Variants in CPEB3 observed in about 807,000 individuals in gnomAD.
CPEB3 encodes the protein cytoplasmic polyadenylation element binding protein 3, also known as cytoplasmic polyadenylation element-binding protein 3.
CPEB3 carries 20 observed loss-of-function variants against 67.2 expected under a neutral mutation model. The ratio of observed to expected loss-of-function variants is 0.30; its 90% CI spans 0.21 to 0.43. The LOEUF is 0.43. CPEB3 is among the 20% of genes least tolerant of loss of function. The pLI, the probability that CPEB3 is intolerant of heterozygous loss-of-function variation, is 1.00. For missense variants in CPEB3, 746 were observed against 968.6 expected (o/e 0.77, Z 3.05); for synonymous variants, 376 against 393.1 (o/e 0.96, Z 0.51).
rs1384449786 is a variant in CPEB3 at position 92,240,151 on chromosome 10, C to T, written c.200G>A (p.Gly67Asp). 13 of 1,556,978 alleles carry T rather than the reference C, an allele frequency of 8.3e-6. No homozygotes were observed. The highest frequency in any genetic ancestry group is 1.1e-5 in the Non-Finnish European group (13 of 1,150,032). ...SPAAAPPAPN[G>D]PDKMQMESPL... is the part of the protein sequence containing the mutation. ...TGATTCCATCTGCATCTTGTCCGGGCCGTTGGGGGCCGGGGGGGCAGCGGC... is the reference window on the plus strand; with the variant it reads ...TGATTCCATCTGCATCTTGTCCGGGTCGTTGGGGGCCGGGGGGGCAGCGGC... Residue 67 changes from glycine (G) to aspartate (D), a missense_variant, in exon 2 of 10, where the codon GGC becomes GAC. This residue lies in a region of CPEB3 where 643 missense variants were observed against 717.5 expected (regional missense o/e 0.90). Coordinates refer to ENST00000265997, the MANE Select transcript of CPEB3 (RefSeq NM_014912.5).
chr10:92,210,067 C>A (rs1459537443), intron 2 of CPEB3, among the ~76,000 whole-genome samples: 1 of 151,504 alleles, frequency 6.6e-6, no homozygotes, highest in African/African-American at 2.4e-5. Context: ...TAATTATATA[C>A]CCAAAATAAT....
At chr10:92,229,357 T>C (rs1851150385) in intron 2 of CPEB3, among the ~76,000 whole-genome samples, 1 of 152,182 alleles carries the variant, frequency 6.6e-6, no homozygotes, top group African/African-American at 2.4e-5. Flanking sequence ...TTCTAAGTGT[T>C]ATTGTCAAAA....
Position 92,135,906 on chromosome 10 carries a change from C to T in CPEB3, c.1453+7123G>A, listed in dbSNP as rs576384999. ...AACCATCATTCTGAGCAAACTATCA[C>T]GAGGATAGAAAACCAAACACTGCAT... On this transcript the variant is annotated intron_variant, in intron 6 of 9. Coordinates refer to ENST00000265997, the MANE Select transcript of CPEB3 (RefSeq NM_014912.5). Among the ~76,000 whole-genome samples the T allele has an allele frequency of 1.3e-4, 19 of 150,992 alleles. No homozygotes were observed. In the East Asian group the frequency reaches 1.6e-3, roughly 12 times the overall value.
intron 1 of CPEB3, among the ~76,000 whole-genome samples, chr10:92,269,097 A>G (rs1392537472): frequency 6.6e-6 from 1 of 152,118 alleles, no homozygotes; most frequent in Non-Finnish European, 1.5e-5. Flanking sequence ...GCATCAGCCA[A>G]TCACTGGCTG....
chr10:92,264,500 A>G (rs987405868), intron 1 of CPEB3, among the ~76,000 whole-genome samples: 4 of 152,248 alleles, frequency 2.6e-5, no homozygotes, highest in East Asian at 1.9e-4. Context: ...TTTGCATACA[A>G]TCAGGCCTCT....
At chr10:92,268,818 T>C (rs536784770) in intron 1 of CPEB3, among the ~76,000 whole-genome samples, 34 of 152,018 alleles carry the variant, frequency 2.2e-4, no homozygotes, top group Non-Finnish European at 4.4e-4. Flanking sequence ...TGGCAACCAT[T>C]GGGGTGGGGA....
intron 2 of CPEB3, among the ~76,000 whole-genome samples, chr10:92,205,437 T>A (rs921519958): frequency 6.6e-6 from 1 of 151,812 alleles, no homozygotes; most frequent in African/African-American, 2.4e-5. Context: ...TATCTTTTTT[T>A]ACAGATGAGG....
chr10:92,256,347 C>A (rs1243029688), intron 1 of CPEB3, among the ~76,000 whole-genome samples: 1 of 152,022 alleles, frequency 6.6e-6, no homozygotes, highest in Non-Finnish European at 1.5e-5. Flanking sequence ...CTAAAACTCT[C>A]CAATAACTTT....
At chr10:92,194,914 G>A (rs929464932) in intron 2 of CPEB3, among the ~76,000 whole-genome samples, 4 of 152,060 alleles carry the variant, frequency 2.6e-5, no homozygotes, top group Non-Finnish European at 5.9e-5. Flanking sequence ...CATGGTGGTG[G>A]GCACCTGTAG....
chr10:92,161,717 T>G (rs1447446423), intron 4 of CPEB3, among the ~76,000 whole-genome samples: 1 of 152,154 alleles, frequency 6.6e-6, no homozygotes, highest in Non-Finnish European at 1.5e-5. Flanking sequence ...CAGGCTGGAG[T>G]GCAGTGGCAT....
intron 1 of CPEB3, among the ~76,000 whole-genome samples, chr10:92,284,195 C>T (rs2135103532): frequency 6.6e-6 from 1 of 152,064 alleles, no homozygotes; most frequent in East Asian, 1.9e-4. Context: ...CACACCACCA[C>T]ACCCAGCTAA....
rs1215201528 is a variant in CPEB3, at chr10:92,116,134, C to G, written c.1454-4940G>C. ...CACTGTATGTCCAAGGCATAAGGAA[C>G]AAGGCCCTGTAGCAGAGTCTCACAG... is the stretch of plus-strand genomic sequence containing the variant. On this transcript the variant is annotated intron_variant, in intron 6 of 9. Coordinates refer to ENST00000265997, the MANE Select transcript of CPEB3 (RefSeq NM_014912.5). Among the ~76,000 whole-genome samples the G allele has an allele frequency of 2.0e-5, 3 of 150,852 alleles. No homozygotes were observed. In the East Asian group the frequency reaches 5.8e-4, roughly 29 times the overall value.
intron 4 of CPEB3, among the ~76,000 whole-genome samples, chr10:92,178,373 G>T (rs1200361785): frequency 6.6e-6 from 1 of 151,960 alleles, no homozygotes; most frequent in Non-Finnish European, 1.5e-5. Flanking sequence ...TGGCCAGGCT[G>T]GTCTTGAGCT....
intron 2 of CPEB3, chr10:92,204,340 T>A (rs866773914): frequency 6.6e-6 from 1 of 152,186 alleles, no homozygotes; most frequent in Non-Finnish European, 1.5e-5. Flanking sequence ...GCAGCAGCTT[T>A]TATGCAAATC....
chr10:92,108,820 CAATCCAAGGATA>C lies in CPEB3; in HGVS notation c.1572+2244_1572+2255del, dbSNP rs567163387. 1.8e-3 allele frequency among the ~76,000 whole-genome samples: 274 copies of C among 152,286 alleles called. 1 individual carries two copies. The highest frequency in any genetic ancestry group is 6.4e-3 in the African/African-American group (266 of 41,554). ...CTACTAATTATTTTCAAAAGTCCTT[CAATCCAAGGATA>C]ATACATGTGTTTCTACTGAAAACAC... On this transcript the variant is annotated intron_variant, in intron 7 of 9. Transcript: ENST00000265997.
chr10:92,142,043 A>T (rs534329427), intron 6 of CPEB3, among the ~76,000 whole-genome samples: 2 of 151,610 alleles, frequency 1.3e-5, no homozygotes, highest in Non-Finnish European at 2.9e-5. Context: ...TAAAAACAAA[A>T]AAAAAAAAAA....
intron 9 of CPEB3, among the ~76,000 whole-genome samples, chr10:92,078,705 A>G (rs1843027461): frequency 6.6e-6 from 1 of 152,110 alleles, no homozygotes; most frequent in Non-Finnish European, 1.5e-5. Flanking sequence ...TTCCAAACAC[A>G]TTTTCATAGC....
rs146897373 is a variant in CPEB3 at position 92,081,309 on chromosome 10, T to C, written c.1869+11A>G. 1.1e-5 allele frequency: 18 copies of C among 1,614,080 alleles called. No individual in the cohort carries two copies. In the African/African-American group the frequency reaches 2.0e-4, roughly 18 times the overall value. ...TCTCCCATAGCAGTTTCACCCTAAGTAGGTGCTTACCCGTTTGTCAATGTC... is the reference window on the plus strand; with the variant it reads ...TCTCCCATAGCAGTTTCACCCTAAGCAGGTGCTTACCCGTTTGTCAATGTC... On this transcript the variant is annotated intron_variant, in intron 9 of 9. Coordinates refer to ENST00000265997, the MANE Select transcript of CPEB3 (RefSeq NM_014912.5).
chr10:92,066,261 G>C (rs1842544222), intron 9 of CPEB3, among the ~76,000 whole-genome samples: 1 of 152,066 alleles, frequency 6.6e-6, no homozygotes, highest in South Asian at 2.1e-4. Flanking sequence ...ACTATTTAAG[G>C]GAAAAATGTT....
Sources: gnomAD v4.1 joint callset for allele counts (sites outside exome capture counted in the v4.1 genomes callset) on GRCh38, gnomAD v4.1.1 for gene constraint, gnomAD v4.1.1 regional missense constraint, MANE v1.5 for transcripts, NCBI Gene and HGNC (gene_info 2026-07-23, HGNC 2026-07-21) for gene names.